Variants in ZEB1 observed in about 807,000 individuals in gnomAD.
The protein encoded by ZEB1 is zinc finger E-box-binding homeobox 1.
Under a neutral mutation model 84.9 loss-of-function variants are expected in ZEB1, and 21 were observed. That is an observed-to-expected ratio of 0.25 (90% confidence interval 0.18 to 0.36). The LOEUF (loss-of-function observed/expected upper bound fraction) is 0.36, where lower values mean the gene tolerates loss of function less well. Among genes scored for constraint, ZEB1 ranks in the 10% least tolerant of loss-of-function variants. The pLI, the probability that ZEB1 is intolerant of heterozygous loss-of-function variation, is 1.00. For missense variants in ZEB1, 1,104 were observed against 1,330.2 expected (o/e 0.83, Z 2.65); for synonymous variants, 420 against 471.1 (o/e 0.89, Z 1.41).
intron 1 of ZEB1, among the ~76,000 whole-genome samples, 192 bp from the exon 2 acceptor site, chr10:31,460,845 C>G (rs571649126): frequency 3.2e-4 from 48 of 152,108 alleles, no homozygotes; most frequent in African/African-American, 1.1e-3. Flanking sequence ...AGGGTAGCTA[C>G]TATTTGTCAT....
At chr10:31,363,165 C>T (rs773656268) in intron 1 of ZEB1, 3 of 1,533,958 alleles carry the variant, frequency 2.0e-6, no homozygotes, top group Non-Finnish European at 1.7e-6. Context: ...TGTCCTCCCC[C>T]ACCATCAGCA....
intron 1 of ZEB1, among the ~76,000 whole-genome samples, chr10:31,354,041 A>G (rs928182915): frequency 3.3e-5 from 5 of 152,234 alleles, no homozygotes; most frequent in African/African-American, 1.2e-4. Context: ...TTAGTTTCTC[A>G]GAATATTTTA....
At chr10:31,459,156 C>T (rs1448641102) in intron 1 of ZEB1, among the ~76,000 whole-genome samples, 1 of 151,982 alleles carries the variant, frequency 6.6e-6, no homozygotes, top group African/African-American at 2.4e-5. Context: ...TGGTGTTGCA[C>T]CATCATAAAG....
At chr10:31,445,546 G>A (rs1475840498) in intron 1 of ZEB1, among the ~76,000 whole-genome samples, 1 of 152,002 alleles carries the variant, frequency 6.6e-6, no homozygotes, top group African/African-American at 2.4e-5. Context: ...GATATTGGCT[G>A]TGGGTCTGTC....
At chr10:31,385,377 T>C (rs1033566308) in intron 1 of ZEB1, among the ~76,000 whole-genome samples, 4 of 152,230 alleles carry the variant, frequency 2.6e-5, no homozygotes, top group African/African-American at 4.8e-5. Context: ...TCAAGTACTT[T>C]ATAAATAGTT....
At chr10:31,379,753 A>T (rs1455121549) in intron 1 of ZEB1, among the ~76,000 whole-genome samples, 1 of 151,818 alleles carries the variant, frequency 6.6e-6, no homozygotes, top group African/African-American at 2.4e-5. Context: ...TCAGGCATAC[A>T]CTTAAGAGAG....
At chr10:31,495,988 A>G in intron 3 of ZEB1, 150 bp downstream of exon 3, 1 of 776,252 alleles carries the variant, frequency 1.3e-6, no homozygotes, top group Non-Finnish European at 2.2e-6. Flanking sequence ...CATATGGTGC[A>G]CTACATAAAA....
Position 31,442,938 on chromosome 10 carries a change from C to T in ZEB1, c.59-18099C>T, listed in dbSNP as rs559145309. On this transcript the variant is annotated intron_variant, in intron 1 of 8. Coordinates refer to ENST00000424869, the MANE Select transcript of ZEB1 (RefSeq NM_001174096.2). ...AAAATAGGAAGAAACAAATTAGAGA[C>T]ACATGTAGGCAACTTTTCCAAAAAG... is the stretch of plus-strand genomic sequence containing the variant. Among the ~76,000 whole-genome samples, 141 of 152,156 alleles carry T rather than the reference C, an allele frequency of 9.3e-4. 2 individuals are homozygous for T. Among genetic ancestry groups the T allele is most frequent in the African/African-American group, 3.3e-3 (138 of 41,512 alleles).
chr10:31,381,308 C>G (rs1401561302), intron 1 of ZEB1, among the ~76,000 whole-genome samples: 2 of 152,278 alleles, frequency 1.3e-5, no homozygotes, highest in East Asian at 3.9e-4. Context: ...ACCAGATATA[C>G]TGTATCTTTA....
intron 1 of ZEB1, among the ~76,000 whole-genome samples, chr10:31,435,559 CTA>C (rs2136341554): frequency 6.6e-6 from 1 of 152,260 alleles, no homozygotes; most frequent in Non-Finnish European, 1.5e-5. Context: ...TTCTTTGGAA[CTA>C]TGACACTGGA....
At chr10:31,387,982 CTG>C (rs746957661) in intron 1 of ZEB1, among the ~76,000 whole-genome samples, 1 of 152,130 alleles carries the variant, frequency 6.6e-6, no homozygotes, top group African/African-American at 2.4e-5. Context: ...AAATTAATGT[CTG>C]TGCTTTACTT....
chr10:31,404,404 C>T (rs2052597702), intron 1 of ZEB1, among the ~76,000 whole-genome samples: 2 of 152,058 alleles, frequency 1.3e-5, no homozygotes, highest in Admixed American at 1.3e-4. Flanking sequence ...GAAAAAGTTA[C>T]CAACTTTGTA....
chr10:31,403,795 C>T (rs954851750), intron 1 of ZEB1, among the ~76,000 whole-genome samples: 3 of 151,962 alleles, frequency 2.0e-5, no homozygotes, highest in African/African-American at 7.2e-5. Context: ...GAAATAGTTT[C>T]AAACTAGGTA....
Position 31,425,311 on chromosome 10 carries a change from A to G in ZEB1, c.59-35726A>G, listed in dbSNP as rs76690321. The stretch of plus-strand genomic sequence containing the variant: ...TGAAACCATTACTTAATGAGTTTCC[A>G]CTGTTCTCATGGATTCAGAGCATTG... On this transcript the variant is annotated intron_variant, in intron 1 of 8. Coordinates refer to ENST00000424869, the MANE Select transcript of ZEB1 (RefSeq NM_001174096.2). Among the ~76,000 whole-genome samples, 339 of 152,200 alleles carry G rather than the reference A, an allele frequency of 2.2e-3. 12 individuals carry two copies. The East Asian group carries it at 0.055, about 25-fold the overall frequency.
chr10:31,485,737 A>G lies in ZEB1; in HGVS notation c.260-10039A>G, dbSNP rs761118190. 4.5e-4 allele frequency among the ~76,000 whole-genome samples: 68 copies of G among 151,766 alleles called. No homozygotes were observed. The Middle Eastern group carries it at 0.01, about 23-fold the overall frequency. On this transcript the variant is annotated intron_variant, in intron 2 of 8. Coordinates refer to ENST00000424869, the MANE Select transcript of ZEB1 (RefSeq NM_001174096.2). ...GAAATATTTTTTTAATTAACATACT[A>G]TAAAATTGACTTGATATTCATTTAT...
chr10:31,392,726 A>G (rs972631564), intron 1 of ZEB1, among the ~76,000 whole-genome samples: 1 of 151,924 alleles, frequency 6.6e-6, no homozygotes, highest in East Asian at 1.9e-4. Flanking sequence ...ATAAAAGACA[A>G]TTATTTTCTG....
At chr10:31,465,258 G>A (rs763000784) in intron 2 of ZEB1, among the ~76,000 whole-genome samples, 16 of 151,964 alleles carry the variant, frequency 1.1e-4, no homozygotes, top group Non-Finnish European at 2.2e-4. Context: ...CAATATACAA[G>A]TATGTAAATT....
intron 1 of ZEB1, among the ~76,000 whole-genome samples, chr10:31,417,752 A>G (rs866918260): frequency 8.5e-5 from 13 of 152,176 alleles, no homozygotes; most frequent in Middle Eastern, 3.4e-3. Flanking sequence ...TGAACACCCA[A>G]TATGGTACTT....
At chr10:31,355,175 G>A (rs1376284694) in intron 1 of ZEB1, 3 of 152,016 alleles carry the variant, frequency 2.0e-5, no homozygotes, top group Non-Finnish European at 4.4e-5. Context: ...GCAGGCATTG[G>A]ATAATATTCT....
Sources: gnomAD v4.1 joint callset for allele counts (sites outside exome capture counted in the v4.1 genomes callset) on GRCh38, gnomAD v4.1.1 for gene constraint, MANE v1.5 for transcripts, NCBI Gene and HGNC (gene_info 2026-07-23, HGNC 2026-07-21) for gene names.